The following MINDY4 variants were observed in gnomAD, a reference collection of about 807,000 sequenced individuals.
MINDY4 encodes probable ubiquitin carboxyl-terminal hydrolase MINDY-4.
In MINDY4, 68 loss-of-function variants were observed where a neutral mutation model predicts 87.0. The observed-to-expected ratio is 0.78, with a 90% confidence interval of 0.64 to 0.96. MINDY4 has a LOEUF of 0.96. Ranked by LOEUF, MINDY4 falls within the 40% of genes least tolerant of loss-of-function variation. MINDY4 has a pLI of 0.00. For missense variants in MINDY4, 919 were observed against 928.2 expected, an observed-to-expected ratio of 0.99 and a Z score of 0.13; for synonymous variants, 379 against 363.2, an observed-to-expected ratio of 1.04 and a Z score of -0.50.
rs578262174 is a variant in MINDY4 at position 30,875,723 on chromosome 7, T to C, written c.1971+67T>C. ...CTCTCTGGAGCAATGAGGAGGGAAG[T>C]GGGGAAGGAAAGCTGGACTCCACTT... On this transcript the variant is annotated intron_variant, in intron 15 of 17. Transcript: ENST00000265299. 115 of 1,516,784 alleles carry C rather than the reference T, an allele frequency of 7.6e-5. No homozygotes were observed. In the African/African-American group the frequency reaches 1.4e-3, roughly 18 times the overall value. The allele number at this position is 1,516,784 out of a possible 1,614,324, so 94.0% of individuals were successfully genotyped here.
intron 3 of MINDY4, among the ~76,000 whole-genome samples, chr7:30,783,580 G>C (rs570727600): frequency 6.6e-6 from 1 of 152,228 alleles, no homozygotes; most frequent in East Asian, 1.9e-4. Flanking sequence ...TACAACCTCT[G>C]GCATAAATGA....
At chr7:30,799,014 G>A (rs540086982) in intron 5 of MINDY4, among the ~76,000 whole-genome samples, 18 of 152,234 alleles carry the variant, frequency 1.2e-4, no homozygotes, top group South Asian at 1.0e-3. Flanking sequence ...AAGTTAGTAG[G>A]GTTGCTCACA....
intron 13 of MINDY4, among the ~76,000 whole-genome samples, chr7:30,863,230 A>G (rs1216796901): frequency 6.6e-6 from 1 of 152,244 alleles, no homozygotes; most frequent in Non-Finnish European, 1.5e-5. Context: ...TCCTGGTAGC[A>G]AAAAGAGACA....
intron 14 of MINDY4, 89 bp from the exon 15 acceptor site, chr7:30,875,406 C>T: frequency 1.4e-6 from 2 of 1,423,382 alleles, no homozygotes; most frequent in Admixed American, 1.7e-5. Context: ...CTTCCTTCTC[C>T]ACCCTTTTTG....
At chr7:30,866,418 C>G (rs1195925561) in intron 13 of MINDY4, among the ~76,000 whole-genome samples, 2 of 152,210 alleles carry the variant, frequency 1.3e-5, no homozygotes, top group African/African-American at 2.4e-5. Context: ...TCACCAGGGC[C>G]TTTCTCACAT....
At chr7:30,790,239 TA>T (rs1787280477) in intron 4 of MINDY4, among the ~76,000 whole-genome samples, 1 of 152,132 alleles carries the variant, frequency 6.6e-6, no homozygotes, top group Non-Finnish European at 1.5e-5. Flanking sequence ...ATTTTTTTTT[TA>T]ATTTTGGAAA....
chr7:30,856,701 C>T (rs924115176), intron 12 of MINDY4, among the ~76,000 whole-genome samples: 3 of 151,980 alleles, frequency 2.0e-5, no homozygotes, highest in Admixed American at 1.3e-4. Flanking sequence ...ACCAAGAACA[C>T]TTTGTGACTG....
At chr7:30,858,821 T>C (rs1584324704) in intron 12 of MINDY4, 1 of 367,692 alleles carries the variant, frequency 2.7e-6, no homozygotes, top group East Asian at 7.2e-5. Flanking sequence ...AGTGTGCTGC[T>C]GACAAGCTGT....
chr7:30,802,949 C>CCCAA (rs1008660072), intron 5 of MINDY4: 2 of 152,076 alleles, frequency 1.3e-5, no homozygotes, highest in African/African-American at 4.8e-5. Flanking sequence ...AACCAACCCA[C>CCCAA]CCAACCAACC....
intron 5 of MINDY4, among the ~76,000 whole-genome samples, chr7:30,810,174 C>CAAAAAA (rs58498956): frequency 2.0e-3 from 130 of 66,532 alleles, no homozygotes; most frequent in African/African-American, 3.2e-3. Context: ...GACTCTGTTT[C>CAAAAAA]AAAAAAAAAA....
intron 9 of MINDY4, among the ~76,000 whole-genome samples, chr7:30,843,310 G>A (rs888590456): frequency 8.5e-5 from 13 of 152,234 alleles, no homozygotes; most frequent in Admixed American, 2.0e-4. Flanking sequence ...GGTTAGGGCA[G>A]CATTTGGAGG....
intron 9 of MINDY4, among the ~76,000 whole-genome samples, chr7:30,848,166 T>G (rs1468313): frequency 0.15 from 22,092 of 152,190 alleles, 1,716 homozygotes; most frequent in Middle Eastern, 0.25. Flanking sequence ...TTTTTCCAGC[T>G]TAGGTGTTCT....
intron 5 of MINDY4, among the ~76,000 whole-genome samples, chr7:30,821,956 T>A (rs766206965): frequency 6.6e-6 from 1 of 151,688 alleles, no homozygotes; most frequent in Non-Finnish European, 1.5e-5. Context: ...ATTGGTATGA[T>A]TTTGTCACAT....
At chr7:30,789,485 C>T (rs1424401700) in intron 4 of MINDY4, among the ~76,000 whole-genome samples, 2 of 152,206 alleles carry the variant, frequency 1.3e-5, no homozygotes, top group Non-Finnish European at 2.9e-5. Context: ...TTGGGTATTT[C>T]ATCATATTTA....
chr7:30,845,893 G>A (rs956982373), intron 9 of MINDY4, among the ~76,000 whole-genome samples: 3 of 152,248 alleles, frequency 2.0e-5, no homozygotes, highest in African/African-American at 7.2e-5. Context: ...CGGGAAGGAT[G>A]GAGCTGGGCA....
intron 5 of MINDY4, among the ~76,000 whole-genome samples, chr7:30,800,939 G>C (rs562829174): frequency 6.6e-6 from 1 of 152,202 alleles, no homozygotes; most frequent in Non-Finnish European, 1.5e-5. Context: ...ATTTAGTCTC[G>C]TTGCCCTTGT....
intron 5 of MINDY4, among the ~76,000 whole-genome samples, chr7:30,797,127 A>G (rs903015078): frequency 1.8e-4 from 28 of 152,158 alleles, no homozygotes; most frequent in Admixed American, 6.5e-4. Flanking sequence ...AATGCAGCAA[A>G]TCAAGGTCCC....
intron 9 of MINDY4, among the ~76,000 whole-genome samples, chr7:30,841,934 A>G (rs1372175901): frequency 6.6e-6 from 1 of 152,238 alleles, no homozygotes; most frequent in Non-Finnish European, 1.5e-5. Context: ...AAAAAAGCCT[A>G]GGTGTTACCC....
At chr7:30,878,932 A>G (rs904308802) in intron 15 of MINDY4, among the ~76,000 whole-genome samples, 4 of 152,126 alleles carry the variant, frequency 2.6e-5, no homozygotes, top group Non-Finnish European at 5.9e-5. Context: ...GCTGATTTTG[A>G]CACCTGTGAC....
Sources: gnomAD v4.1 joint callset for allele counts (sites outside exome capture counted in the v4.1 genomes callset) on GRCh38, gnomAD v4.1.1 for gene constraint, MANE v1.5 for transcripts, NCBI Gene and HGNC (gene_info 2026-07-23, HGNC 2026-07-21) for gene names.